TMEFF2: variants seen among roughly 807,000 people sequenced by gnomAD.
The protein encoded by TMEFF2 is tomoregulin-2.
In TMEFF2, 28 loss-of-function variants were observed where a neutral mutation model predicts 53.8. That is an observed-to-expected ratio of 0.52 (90% CI 0.39 to 0.71). The LOEUF (loss-of-function observed/expected upper bound fraction) is 0.71, where lower values mean the gene tolerates loss of function less well. Ranked by LOEUF, TMEFF2 falls within the 30% of genes least tolerant of loss-of-function variation. TMEFF2 has a pLI of 0.00. For synonymous variants in TMEFF2, 162 were observed against 166.3 expected, an observed-to-expected ratio of 0.97 and a Z score of 0.20; for missense variants, 353 against 455.2, an observed-to-expected ratio of 0.78 and a Z score of 2.04.
At chr2:192,037,268 C>CAAAAGA (rs1252777459) in intron 5 of TMEFF2, 4 of 22,692 alleles carry the variant, frequency 1.8e-4, no homozygotes, top group East Asian at 2.3e-3. Context: ...TAAGACTAGC[C>CAAAAGA]AAAATAAAGA....
intron 3 of TMEFF2, 69 bp downstream of exon 3, chr2:192,184,285 A>G: frequency 6.3e-7 from 1 of 1,576,698 alleles, no homozygotes; most frequent in Non-Finnish European, 8.6e-7. Flanking sequence ...GGAGATAACA[A>G]GAAATGAAAG....
intron 4 of TMEFF2, among the ~76,000 whole-genome samples, chr2:192,082,961 A>ATT (rs377750674): frequency 0.78 from 111,245 of 142,804 alleles, 44,179 homozygotes; most frequent in Middle Eastern, 0.89. Flanking sequence ...TAGAGAGTTG[A>ATT]TTTTTTTTTT....
intron 7 of TMEFF2, among the ~76,000 whole-genome samples, chr2:191,963,703 C>T (rs1322962617): frequency 2.6e-5 from 4 of 152,202 alleles, no homozygotes; most frequent in Non-Finnish European, 5.9e-5. Flanking sequence ...TATTATGTGT[C>T]TGGCACTATG....
At chr2:192,092,977 CA>C (rs1688824419) in intron 4 of TMEFF2, among the ~76,000 whole-genome samples, 1 of 152,034 alleles carries the variant, frequency 6.6e-6, no homozygotes, top group African/African-American at 2.4e-5. Flanking sequence ...TGTTTTAACC[CA>C]CTAGGTTTAT....
chr2:191,969,643 A>T (rs1351703819), intron 7 of TMEFF2, among the ~76,000 whole-genome samples: 1 of 152,184 alleles, frequency 6.6e-6, no homozygotes, highest in African/African-American at 2.4e-5. Context: ...GAATGATGTC[A>T]TGGCCCAGAA....
intron 7 of TMEFF2, among the ~76,000 whole-genome samples, chr2:191,994,191 T>A (rs562630062): frequency 4.6e-5 from 7 of 152,144 alleles, no homozygotes; most frequent in African/African-American, 1.7e-4. Flanking sequence ...GTATTTTCTT[T>A]AACAATTCTG....
At chr2:192,037,285 G>GAAAGAAAGAA (rs1687328413) in intron 5 of TMEFF2, among the ~76,000 whole-genome samples, 1 of 124,056 alleles carries the variant, frequency 8.1e-6, no homozygotes. Flanking sequence ...AAGAAAGAAA[G>GAAAGAAAGAA]AAAGAAAGAA....
intron 4 of TMEFF2, among the ~76,000 whole-genome samples, chr2:192,174,548 C>T (rs1289143585): frequency 6.6e-6 from 1 of 151,696 alleles, no homozygotes; most frequent in African/African-American, 2.4e-5. Flanking sequence ...AGATGGATTT[C>T]AACCTAAGAA....
intron 7 of TMEFF2, among the ~76,000 whole-genome samples, chr2:191,967,265 T>C (rs1445680790): frequency 3.9e-5 from 6 of 152,294 alleles, no homozygotes; most frequent in African/African-American, 1.4e-4. Flanking sequence ...ACCTTAGTAC[T>C]GTATTTGGAC....
At chr2:192,075,318 T>TATAC in intron 4 of TMEFF2, among the ~76,000 whole-genome samples, 1 of 85,618 alleles carries the variant, frequency 1.2e-5, no homozygotes, top group East Asian at 2.6e-4. Flanking sequence ...TATATATATA[T>TATAC]ATATATATAT....
intron 4 of TMEFF2, among the ~76,000 whole-genome samples, chr2:192,108,191 C>T (rs908944706): frequency 6.6e-6 from 1 of 151,610 alleles, no homozygotes; most frequent in Admixed American, 6.6e-5. Flanking sequence ...CTAATCTAGC[C>T]AGTAAATTCA....
intron 7 of TMEFF2, among the ~76,000 whole-genome samples, chr2:191,961,742 G>A (rs747911470): frequency 6.6e-6 from 1 of 152,138 alleles, no homozygotes; most frequent in African/African-American, 2.4e-5. Context: ...ATAAACATAT[G>A]AGGCAGTAAA....
At chr2:192,141,393 C>T (rs1025105994) in intron 4 of TMEFF2, among the ~76,000 whole-genome samples, 3 of 144,712 alleles carry the variant, frequency 2.1e-5, no homozygotes, top group African/African-American at 5.2e-5. Flanking sequence ...TCGGAGGTTG[C>T]AGTGAGCTGA....
At chr2:192,086,681 A>C (rs1410091867) in intron 4 of TMEFF2, among the ~76,000 whole-genome samples, 1 of 152,154 alleles carries the variant, frequency 6.6e-6, no homozygotes, top group Non-Finnish European at 1.5e-5. Context: ...AATACAAAAC[A>C]AGACAAATCT....
intron 4 of TMEFF2, among the ~76,000 whole-genome samples, chr2:192,088,465 C>G (rs7605538): frequency 0.017 from 2,638 of 152,226 alleles, 79 homozygotes; most frequent in African/African-American, 0.06. Context: ...GTCACCTGAC[C>G]TGACTGGCAG....
intron 4 of TMEFF2, among the ~76,000 whole-genome samples, chr2:192,068,511 C>T (rs1439470312): frequency 6.6e-6 from 1 of 151,774 alleles, no homozygotes; most frequent in Non-Finnish European, 1.5e-5. Context: ...AGCAAAGGAG[C>T]AAGTAAGAAA....
At chr2:192,129,221 A>T (rs1251406272) in intron 4 of TMEFF2, among the ~76,000 whole-genome samples, 5 of 152,194 alleles carry the variant, frequency 3.3e-5, no homozygotes, top group Non-Finnish European at 7.3e-5. Context: ...CCTCAAGCAC[A>T]TATTCTGGAT....
chr2:192,039,314 T>C (rs1458272615), intron 5 of TMEFF2, among the ~76,000 whole-genome samples: 1 of 152,216 alleles, frequency 6.6e-6, no homozygotes, highest in Admixed American at 6.5e-5. Context: ...GGAAGTCTTA[T>C]AAGTAAATTT....
chr2:192,024,363 G>A (rs1460260621), intron 5 of TMEFF2, among the ~76,000 whole-genome samples: 2 of 152,068 alleles, frequency 1.3e-5, no homozygotes, highest in Non-Finnish European at 2.9e-5. Context: ...AAATATGATG[G>A]ATTCTTGTTC....
Sources: allele counts gnomAD v4.1 joint callset (sites outside exome capture counted in the v4.1 genomes callset), GRCh38; gene constraint gnomAD v4.1.1; transcripts MANE v1.5; gene names NCBI Gene and HGNC (gene_info 2026-07-23, HGNC 2026-07-21).